Variants in TANC2 observed in about 807,000 individuals in gnomAD.
TANC2 encodes the protein tetratricopeptide repeat, ankyrin repeat and coiled-coil containing 2, also known as protein TANC2.
Under a neutral mutation model 210.5 loss-of-function variants are expected in TANC2, and 26 were observed. That is an observed-to-expected ratio of 0.12 (90% CI 0.09 to 0.17). TANC2 has a LOEUF of 0.17. Among genes scored for constraint, TANC2 ranks in the 10% least tolerant of loss-of-function variants. TANC2 has a pLI of 1.00. For synonymous variants in TANC2, 931 were observed against 967.1 expected (o/e 0.96, Z 0.69); for missense variants, 2,129 against 2,608.9 (o/e 0.82, Z 4.01).
chr17:63,146,074 T>A (rs2039453447), intron 4 of TANC2, among the ~76,000 whole-genome samples: 1 of 152,140 alleles, frequency 6.6e-6, no homozygotes, highest in African/African-American at 2.4e-5. Flanking sequence ...CTTCTTTAAT[T>A]TCTTTCAGCA....
At chr17:63,076,279 G>T (rs1438478203) in intron 3 of TANC2, among the ~76,000 whole-genome samples, 1 of 152,164 alleles carries the variant, frequency 6.6e-6, no homozygotes, top group Non-Finnish European at 1.5e-5. Flanking sequence ...ACCAGGCATA[G>T]TTGAGGGCAG....
At chr17:63,233,058 A>G (rs1489802729) in intron 7 of TANC2, among the ~76,000 whole-genome samples, 1 of 152,216 alleles carries the variant, frequency 6.6e-6, no homozygotes, top group African/African-American at 2.4e-5. Flanking sequence ...GCTGTGCTGC[A>G]CTGTGGGGAA....
chr17:63,405,032 T>C (rs777980202), intron 19 of TANC2, 90 bp from the exon 20 acceptor site: 11 of 1,345,822 alleles, frequency 8.2e-6, no homozygotes, highest in Non-Finnish European at 1.1e-5. Context: ...AGCAATTACA[T>C]TAATGAAACA....
chr17:63,054,681 A>G (rs561651112), intron 2 of TANC2, among the ~76,000 whole-genome samples: 1 of 151,978 alleles, frequency 6.6e-6, no homozygotes, highest in East Asian at 1.9e-4. Context: ...GTGCCCGGCC[A>G]TAAGTGGTCT....
At chr17:63,105,660 T>C (rs534895233) in intron 4 of TANC2, among the ~76,000 whole-genome samples, 7 of 151,812 alleles carry the variant, frequency 4.6e-5, no homozygotes, top group South Asian at 2.1e-4. Flanking sequence ...ATTTTTCTTC[T>C]CATTTATATC....
At chr17:63,007,737 G>C (rs893111122) in intron 1 of TANC2, among the ~76,000 whole-genome samples, 38 of 151,814 alleles carry the variant, frequency 2.5e-4, no homozygotes, top group African/African-American at 9.2e-4. Flanking sequence ...TTTTATTGTT[G>C]TCATGCATTT....
intron 3 of TANC2, chr17:63,088,488 C>T (rs753357953): frequency 1.3e-5 from 2 of 152,146 alleles, no homozygotes; most frequent in Non-Finnish European, 2.9e-5. Flanking sequence ...TCACCGCATT[C>T]GTTGTGTTTC....
chr17:63,354,491 C>T (rs1207528500), intron 13 of TANC2, among the ~76,000 whole-genome samples: 3 of 152,096 alleles, frequency 2.0e-5, no homozygotes, highest in Non-Finnish European at 4.4e-5. Flanking sequence ...ATACAGTGCT[C>T]CGTTTTCTAT....
intron 17 of TANC2, chr17:63,393,653 C>G (rs527418051): frequency 1.3e-5 from 2 of 152,138 alleles, no homozygotes; most frequent in Admixed American, 1.3e-4. Flanking sequence ...TAAGAAATAT[C>G]TTTTAGGGTT....
rs546380189 is a variant in TANC2 at position 63,206,036 on chromosome 17, A to G, written c.769+5079A>G. 2.0e-5 allele frequency among the ~76,000 whole-genome samples: 3 copies of G among 152,370 alleles called. No individual in the cohort carries two copies. The East Asian group carries it at 5.8e-4, about 29-fold the overall frequency. ...CAACAAACCATTTCAAAAATGGGAA[A>G]AAGACTTACATAGACGTTTCTCCAG... On this transcript the variant is annotated intron_variant, in intron 7 of 27. Coordinates refer to ENST00000689528, the Ensembl canonical transcript of TANC2.
At chr17:63,340,832 G>C (rs974175125) in intron 12 of TANC2, among the ~76,000 whole-genome samples, 1 of 152,180 alleles carries the variant, frequency 6.6e-6, no homozygotes, top group Non-Finnish European at 1.5e-5. Context: ...AGGGGCATAA[G>C]GGTATTTTAC....
chr17:63,074,331 T>C lies in TANC2; in HGVS notation c.139+317T>C, dbSNP rs956110971. ...TTCAACACCAACATTTGTTGGAGTA[T>C]CATCACACACTGGCTTTTTAAATTT... is the stretch of plus-strand genomic sequence containing the variant. On this transcript the variant is annotated intron_variant, in intron 3 of 27. Transcript: ENST00000689528. Among the ~76,000 whole-genome samples the C allele has an allele frequency of 2.6e-5, 4 of 152,172 alleles. No individual in the cohort carries two copies. The East Asian group carries it at 5.8e-4, about 22-fold the overall frequency.
At chr17:63,016,328 G>C (rs1245134056) in intron 2 of TANC2, among the ~76,000 whole-genome samples, 1 of 152,154 alleles carries the variant, frequency 6.6e-6, no homozygotes, top group Non-Finnish European at 1.5e-5. Context: ...TGTAATCCCG[G>C]CATTTTGGGA....
chr17:63,041,876 A>G (rs376156852), intron 2 of TANC2, among the ~76,000 whole-genome samples: 20 of 152,312 alleles, frequency 1.3e-4, no homozygotes, highest in African/African-American at 4.3e-4. Flanking sequence ...TTAAAATTGC[A>G]TTAGATAATT....
intron 7 of TANC2, among the ~76,000 whole-genome samples, chr17:63,233,020 G>C (rs1246435309): frequency 2.0e-5 from 3 of 152,226 alleles, no homozygotes; most frequent in African/African-American, 7.2e-5. Context: ...GGTCTAAAAA[G>C]GCAGTCTGGC....
intron 3 of TANC2, among the ~76,000 whole-genome samples, chr17:63,096,818 AACC>A (rs1397501891): frequency 6.6e-6 from 1 of 152,068 alleles, no homozygotes; most frequent in Non-Finnish European, 1.5e-5. Context: ...CTTTTTGAGG[AACC>A]ACCGTCTTAC....
chr17:63,282,119 C>T (rs1266547802), intron 9 of TANC2, among the ~76,000 whole-genome samples: 1 of 151,782 alleles, frequency 6.6e-6, no homozygotes, highest in African/African-American at 2.4e-5. Flanking sequence ...AAGATAAGAG[C>T]AGAAATCAGT....
chr17:63,080,116 T>A (rs773896128), intron 3 of TANC2, among the ~76,000 whole-genome samples: 10 of 152,224 alleles, frequency 6.6e-5, no homozygotes, highest in Non-Finnish European at 1.0e-4. Context: ...TGTAAGAGTT[T>A]ATTAATAGCA....
At chr17:62,968,036 T>C (rs2031463008) in intron 1 of TANC2, among the ~76,000 whole-genome samples, 1 of 152,228 alleles carries the variant, frequency 6.6e-6, no homozygotes, top group African/African-American at 2.4e-5. Flanking sequence ...TATATGTGCA[T>C]GTATATTATA....
Sources: allele counts gnomAD v4.1 joint callset (sites outside exome capture counted in the v4.1 genomes callset), GRCh38; gene constraint gnomAD v4.1.1; transcripts MANE v1.5; gene names NCBI Gene and HGNC (gene_info 2026-07-23, HGNC 2026-07-21).